Variants in SCN11A observed in about 807,000 individuals in gnomAD.
SCN11A encodes sodium voltage-gated channel alpha subunit 11, also known as sodium channel protein type 11 subunit alpha.
SCN11A carries 122 observed loss-of-function variants against 162.2 expected under a neutral mutation model. That is an observed-to-expected ratio of 0.75 (90% CI 0.65 to 0.87). The LOEUF is 0.87. Among genes scored for constraint, SCN11A ranks in the 40% least tolerant of loss-of-function variants. The pLI is 0.00. For synonymous variants in SCN11A, 758 were observed against 751.5 expected (o/e 1.01, Z -0.14); for missense variants, 2,015 against 2,181.6 (o/e 0.92, Z 1.52).
rs1367470027 is a variant in SCN11A, at chr3:38,929,133, ACG to A, written c.489-2204_489-2203del. 1.4e-3 allele frequency among the ~76,000 whole-genome samples: 210 copies of A among 147,678 alleles called. 5 individuals are homozygous for A. Among genetic ancestry groups the A allele is most frequent in the African/African-American group, 5.2e-3 (201 of 38,972 alleles). On this transcript the variant is annotated intron_variant, in intron 7 of 29. Coordinates refer to ENST00000302328, the MANE Select transcript of SCN11A (RefSeq NM_001349253.2). Reference sequence around the variant, plus strand: ...ACTGTCAAAAATACTGGGTCTGTGCACGCACACACACACACACACACACACAC... The same window carrying A: ...ACTGTCAAAAATACTGGGTCTGTGCACACACACACACACACACACACACAC...
chr3:38,972,115 A>C (rs1018479389), intron 2 of SCN11A, among the ~76,000 whole-genome samples: 15 of 152,204 alleles, frequency 9.9e-5, no homozygotes, highest in African/African-American at 3.6e-4. Flanking sequence ...TTCTTAAATT[A>C]CTTGGTTTCA....
chr3:38,981,408 T>C (rs1304139528), intron 2 of SCN11A, among the ~76,000 whole-genome samples: 3 of 152,124 alleles, frequency 2.0e-5, no homozygotes, highest in Non-Finnish European at 4.4e-5. Context: ...GGCTCCAATA[T>C]GAACAGAGCA....
chr3:38,888,288 A>G (rs1199923428), intron 19 of SCN11A, among the ~76,000 whole-genome samples: 1 of 152,242 alleles, frequency 6.6e-6, no homozygotes, highest in Non-Finnish European at 1.5e-5. Flanking sequence ...TATGACTTGT[A>G]TCATTATTAG....
intron 16 of SCN11A, 110 bp downstream of exon 16, chr3:38,903,755 G>A: frequency 1.3e-6 from 1 of 769,912 alleles, no homozygotes; most frequent in East Asian, 2.8e-5. Flanking sequence ...CCACTGAAGG[G>A]GACCAAAAAC....
intron 1 of SCN11A, among the ~76,000 whole-genome samples, chr3:39,050,814 T>C (rs1342534865): frequency 1.3e-5 from 2 of 152,194 alleles, no homozygotes; most frequent in African/African-American, 4.8e-5. Context: ...TTCAAACTAG[T>C]CTTTGAAATT....
chr3:38,982,785 AC>A (rs1424997921), intron 2 of SCN11A, among the ~76,000 whole-genome samples: 3 of 152,150 alleles, frequency 2.0e-5, no homozygotes, highest in African/African-American at 4.8e-5. Context: ...AGAACTGTGG[AC>A]CCAGGGTCAG....
chr3:38,874,927 C>A (rs1357071676), intron 23 of SCN11A, among the ~76,000 whole-genome samples: 1 of 152,204 alleles, frequency 6.6e-6, no homozygotes, highest in African/African-American at 2.4e-5. Flanking sequence ...GTGGTTTATG[C>A]TTTTCTAATA....
intron 7 of SCN11A, among the ~76,000 whole-genome samples, chr3:38,933,962 C>G (rs1349460530): frequency 2.6e-5 from 4 of 152,092 alleles, no homozygotes; most frequent in East Asian, 1.9e-4. Flanking sequence ...AAATGTTAAG[C>G]GCAGCCAGAG....
At chr3:39,011,869 C>T (rs1270795306) in intron 2 of SCN11A, among the ~76,000 whole-genome samples, 1 of 151,944 alleles carries the variant, frequency 6.6e-6, no homozygotes, top group African/African-American at 2.4e-5. Context: ...ACAATTAAGT[C>T]AAAAAATTAT....
At chr3:38,929,763 T>A (rs1319841084) in intron 7 of SCN11A, among the ~76,000 whole-genome samples, 2 of 152,164 alleles carry the variant, frequency 1.3e-5, no homozygotes, top group Admixed American at 1.3e-4. Context: ...AATGCCAATA[T>A]CTCAGGAGTG....
chr3:38,846,467 TCTTC>T lies in SCN11A; in HGVS notation c.*223_*226del, dbSNP rs2064664636. ...CCTTTTACAGTCCTTCCTGGTGTCT[TCTTC>T]CTTATTATAATAGTACCACTGGTTG... On this transcript the variant is annotated 3_prime_UTR_variant, in exon 30 of 30. Coordinates refer to ENST00000302328, the MANE Select transcript of SCN11A (RefSeq NM_001349253.2). 1.9e-6 allele frequency: 1 copy of T among 539,078 alleles called. No individual in the cohort carries two copies. Among genetic ancestry groups the T allele is most frequent in the Non-Finnish European group, 3.3e-6 (1 of 302,598 alleles). 33.4% of individuals were successfully genotyped at this position (539,078 alleles called of 1,614,324 possible).
chr3:38,989,943 T>TC, intron 2 of SCN11A, among the ~76,000 whole-genome samples: 1 of 152,282 alleles, frequency 6.6e-6, no homozygotes, highest in African/African-American at 2.4e-5. Context: ...CCATTAGCTT[T>TC]CCAGAGGCTC....
intron 16 of SCN11A, among the ~76,000 whole-genome samples, chr3:38,900,288 A>C (rs1307624081): frequency 2.6e-5 from 4 of 152,172 alleles, no homozygotes; most frequent in Admixed American, 2.0e-4. Flanking sequence ...TGGTGCCCAG[A>C]GCAATGTAAC....
chr3:38,855,046 T>C (rs2064845080), intron 28 of SCN11A, among the ~76,000 whole-genome samples: 1 of 152,218 alleles, frequency 6.6e-6, no homozygotes, highest in Non-Finnish European at 1.5e-5. Context: ...GTGCAGGAGC[T>C]GCTGACATTG....
chr3:38,888,785 C>A (rs2065444153), intron 19 of SCN11A, among the ~76,000 whole-genome samples: 1 of 152,142 alleles, frequency 6.6e-6, no homozygotes, highest in Admixed American at 6.6e-5. Flanking sequence ...AAATTGATGA[C>A]ACTTAAGCCA....
intron 22 of SCN11A, among the ~76,000 whole-genome samples, chr3:38,880,832 G>A (rs11924818): frequency 0.2 from 30,766 of 152,056 alleles, 3,478 homozygotes; most frequent in Non-Finnish European, 0.25. Flanking sequence ...CTTCCCTCAC[G>A]CAAACTGTAT....
intron 15 of SCN11A, 83 bp from the exon 16 acceptor site, chr3:38,904,186 T>A (rs1207650954): frequency 1.2e-6 from 1 of 824,516 alleles, no homozygotes; most frequent in African/African-American, 1.7e-5. Context: ...CCTTCCTCCC[T>A]CTTCCCCAGG....
intron 11 of SCN11A, among the ~76,000 whole-genome samples, 192 bp downstream of exon 11, chr3:38,919,743 G>A (rs1210492123): frequency 6.6e-6 from 1 of 152,162 alleles, no homozygotes; most frequent in Non-Finnish European, 1.5e-5. Context: ...AACTAGGGAG[G>A]AAAGCTGCCT....
intron 17 of SCN11A, 112 bp downstream of exon 17, chr3:38,899,782 G>A: frequency 1.2e-6 from 1 of 820,672 alleles, no homozygotes; most frequent in Non-Finnish European, 1.9e-6. Flanking sequence ...TTGGTTCTGG[G>A]GTTAAGGTAA....
Sources: allele counts gnomAD v4.1 joint callset (sites outside exome capture counted in the v4.1 genomes callset), GRCh38; gene constraint gnomAD v4.1.1; transcripts MANE v1.5; gene names NCBI Gene and HGNC (gene_info 2026-07-23, HGNC 2026-07-21).